Variants in CARMIL1 observed in about 807,000 individuals in gnomAD.
CARMIL1 encodes the protein F-actin-uncapping protein LRRC16A.
Under a neutral mutation model 177.1 loss-of-function variants are expected in CARMIL1, and 90 were observed. The observed-to-expected ratio is 0.51, with a 90% CI of 0.43 to 0.61. The LOEUF is 0.61. Ranked by LOEUF, CARMIL1 falls within the 20% of genes least tolerant of loss-of-function variation. The pLI, the probability that CARMIL1 is intolerant of heterozygous loss-of-function variation, is 0.00. For synonymous variants in CARMIL1, 577 were observed against 606.2 expected (o/e 0.95, Z 0.71); for missense variants, 1,380 against 1,667.0 (o/e 0.83, Z 3.00).
intron 4 of CARMIL1, among the ~76,000 whole-genome samples, chr6:25,431,478 A>T (rs1796783792): frequency 6.6e-6 from 1 of 151,990 alleles, no homozygotes; most frequent in South Asian, 2.1e-4. Flanking sequence ...ATGTTTGCCC[A>T]AATGGTCAAA....
intron 2 of CARMIL1, among the ~76,000 whole-genome samples, chr6:25,285,986 C>T (rs1472666887): frequency 6.6e-6 from 1 of 152,186 alleles, no homozygotes; most frequent in African/African-American, 2.4e-5. Flanking sequence ...ATCCTCCCAC[C>T]TCAGCCTCCT....
intron 1 of CARMIL1, 104 bp downstream of exon 1, chr6:25,279,939 G>T: frequency 2.3e-6 from 3 of 1,326,870 alleles, no homozygotes; most frequent in South Asian, 2.3e-5. Context: ...AAGTCTTGGC[G>T]CCCCTTAGGG....
chr6:25,546,905 A>G (rs1334787942), intron 26 of CARMIL1, among the ~76,000 whole-genome samples: 1 of 151,806 alleles, frequency 6.6e-6, no homozygotes, highest in South Asian at 2.1e-4. Flanking sequence ...ATACAAAAAA[A>G]GTAGCCAGAT....
At chr6:25,459,210 T>TTTTCTTTCCTTCTTTCTTTCTTTCTTTC in intron 8 of CARMIL1, among the ~76,000 whole-genome samples, 1 of 80,178 alleles carries the variant, frequency 1.2e-5, no homozygotes, top group East Asian at 4.4e-4. Context: ...GATCCCAACT[T>TTTTCTTTCCTTCTTTCTTTCTTTCTTTC]TTTCTTTCTT....
chr6:25,414,114 A>C (rs1795162764), intron 2 of CARMIL1, among the ~76,000 whole-genome samples: 1 of 152,204 alleles, frequency 6.6e-6, no homozygotes, highest in South Asian at 2.1e-4. Context: ...CAACAGTAAC[A>C]GTCCTGCAGA....
intron 2 of CARMIL1, among the ~76,000 whole-genome samples, chr6:25,315,219 T>C (rs1035799721): frequency 6.6e-6 from 1 of 152,192 alleles, no homozygotes; most frequent in Non-Finnish European, 1.5e-5. Flanking sequence ...CTCATTTCCA[T>C]TGCATTAAGG....
At chr6:25,495,266 T>C (rs1197404063) in intron 16 of CARMIL1, 51 bp downstream of exon 16, 2 of 1,282,060 alleles carry the variant, frequency 1.6e-6, no homozygotes, top group Non-Finnish European at 1.1e-6. Flanking sequence ...AACTTATTTT[T>C]ACGAATGTGC....
intron 2 of CARMIL1, among the ~76,000 whole-genome samples, chr6:25,329,570 C>G (rs1020749688): frequency 6.6e-6 from 1 of 152,178 alleles, no homozygotes; most frequent in Non-Finnish European, 1.5e-5. Context: ...TGAGCAAAGT[C>G]TGTCTAGTAA....
At chr6:25,439,175 A>G (rs1299549458) in intron 5 of CARMIL1, among the ~76,000 whole-genome samples, 1 of 146,988 alleles carries the variant, frequency 6.8e-6, no homozygotes, top group Non-Finnish European at 1.5e-5. Context: ...GTGGGGGACA[A>G]GTATTTTCTG....
chr6:25,388,688 G>C (rs965846810), intron 2 of CARMIL1, among the ~76,000 whole-genome samples: 3 of 151,270 alleles, frequency 2.0e-5, no homozygotes, highest in Admixed American at 2.0e-4. Flanking sequence ...TTTATTTTAA[G>C]AGACAGGGTG....
intron 29 of CARMIL1, among the ~76,000 whole-genome samples, chr6:25,580,001 T>A (rs1334542705): frequency 6.6e-6 from 1 of 152,184 alleles, no homozygotes; most frequent in East Asian, 1.9e-4. Context: ...ACGTACCAGT[T>A]TCCTGATATC....
chr6:25,313,505 T>TG (rs1561970420), intron 2 of CARMIL1, among the ~76,000 whole-genome samples: 1 of 151,912 alleles, frequency 6.6e-6, no homozygotes, highest in African/African-American at 2.4e-5. Context: ...GGCAGAAAGA[T>TG]GGGGGGATGA....
chr6:25,441,343 G>A (rs201826044), intron 5 of CARMIL1, among the ~76,000 whole-genome samples: 1,175 of 86,560 alleles, frequency 0.014, 9 homozygotes, highest in African/African-American at 0.04. Context: ...ATATATGTGT[G>A]TGTGTGTGTG....
chr6:25,485,227 C>T (rs549627491), intron 12 of CARMIL1, among the ~76,000 whole-genome samples: 1 of 152,130 alleles, frequency 6.6e-6, no homozygotes. Flanking sequence ...AGTGTGGTAA[C>T]AGTGGGGAGG....
At chr6:25,563,441 A>C in intron 29 of CARMIL1, 11 of 985,402 alleles carry the variant, frequency 1.1e-5, no homozygotes, top group Non-Finnish European at 1.3e-5. Flanking sequence ...AACCTGCCTA[A>C]AGAGGAAGAC....
chr6:25,587,768 T>C (rs1813895644), intron 31 of CARMIL1, among the ~76,000 whole-genome samples: 1 of 152,234 alleles, frequency 6.6e-6, no homozygotes. Context: ...TATTCAAAAA[T>C]TATTTCCTCA....
chr6:25,606,421 G>A (rs1815977290), intron 35 of CARMIL1, 148 bp downstream of exon 35: 1 of 685,942 alleles, frequency 1.5e-6, no homozygotes, highest in Admixed American at 2.9e-5. Flanking sequence ...CCTATGCAAA[G>A]CTGTGAAAGT....
chr6:25,565,584 C>T (rs1414624280), intron 29 of CARMIL1, among the ~76,000 whole-genome samples: 3 of 152,164 alleles, frequency 2.0e-5, no homozygotes, highest in Non-Finnish European at 2.9e-5. Flanking sequence ...CAGTGGCTCA[C>T]GCCTGTAATC....
At chr6:25,486,368 T>C (rs534581692) in intron 12 of CARMIL1, among the ~76,000 whole-genome samples, 5 of 152,276 alleles carry the variant, frequency 3.3e-5, no homozygotes, top group African/African-American at 1.2e-4. Context: ...TATTCAGATG[T>C]TGGACAACTG....
Sources: gnomAD v4.1 joint callset for allele counts (sites outside exome capture counted in the v4.1 genomes callset) on GRCh38, gnomAD v4.1.1 for gene constraint, MANE v1.5 for transcripts, NCBI Gene and HGNC (gene_info 2026-07-23, HGNC 2026-07-21) for gene names.